Variants in GPATCH2 observed in about 807,000 individuals in gnomAD.
GPATCH2 encodes the protein G patch domain-containing protein 2.
A neutral mutation model predicts 58.0 loss-of-function variants in GPATCH2; 51 were observed. The ratio of observed to expected loss-of-function variants is 0.88; its 90% CI spans 0.70 to 1.11. The LOEUF (loss-of-function observed/expected upper bound fraction) is 1.11, where lower values mean the gene tolerates loss of function less well. Among genes scored for constraint, GPATCH2 ranks in the 50% most tolerant of loss-of-function variants. The pLI, the probability that GPATCH2 is intolerant of heterozygous loss-of-function variation, is 0.00. For synonymous variants in GPATCH2, 222 were observed against 218.5 expected (o/e 1.02, Z -0.14); for missense variants, 625 against 652.2 (o/e 0.96, Z 0.45).
intron 9 of GPATCH2, among the ~76,000 whole-genome samples, chr1:217,443,208 C>T (rs536191637): frequency 1.3e-5 from 2 of 152,240 alleles, no homozygotes; most frequent in South Asian, 2.1e-4. Context: ...TTAATGGATT[C>T]TGTTTTCTTC....
intron 4 of GPATCH2, among the ~76,000 whole-genome samples, 200 bp from the exon 5 acceptor site, chr1:217,610,600 A>G (rs187184749): frequency 7.7e-4 from 117 of 152,338 alleles, no homozygotes; most frequent in African/African-American, 2.7e-3. Flanking sequence ...TCAGCACTTA[A>G]CTAACCAGTG....
At position 217,429,876 on chromosome 1, in the gene GPATCH2, A is replaced by C. The variant is rs1248060300; in HGVS notation, c.*1269T>G. On this transcript the variant is annotated 3_prime_UTR_variant, in exon 10 of 10. Coordinates refer to ENST00000366935, the MANE Select transcript of GPATCH2 (RefSeq NM_018040.5). ...CAAAAAAACTCTTTTGGAAAGTGACAAGATTTTAAAAACCCATTAGAAAGG... is the reference window on the plus strand; with the variant it reads ...CAAAAAAACTCTTTTGGAAAGTGACCAGATTTTAAAAACCCATTAGAAAGG... 6.6e-6 allele frequency: 1 copy of C among 151,726 alleles called. No individual in the cohort carries two copies. Among genetic ancestry groups the C allele is most frequent in the African/African-American group, 2.4e-5 (1 of 41,344 alleles). 9.4% of individuals were successfully genotyped at this position (151,726 alleles called of 1,614,324 possible).
intron 5 of GPATCH2, among the ~76,000 whole-genome samples, chr1:217,528,245 C>T (rs1242757): frequency 0.77 from 117,031 of 152,130 alleles, 45,638 homozygotes; most frequent in East Asian, 0.92. Flanking sequence ...AAAATTAAGC[C>T]AGATTTTCAT....
chr1:217,600,730 A>T lies in GPATCH2; in HGVS notation c.1098+9591T>A, dbSNP rs190624517. Among the ~76,000 whole-genome samples, 200 of 149,244 alleles carry T rather than the reference A, an allele frequency of 1.3e-3. 6 individuals are homozygous for T. The highest frequency in any genetic ancestry group is 0.012 in the Admixed American group (182 of 15,138). On this transcript the variant is annotated intron_variant, in intron 5 of 9. Coordinates refer to ENST00000366935, the MANE Select transcript of GPATCH2 (RefSeq NM_018040.5). ...TCATCACCATTTTAAAAGACAACTA[A>T]AAAAAGGTGTTGCATCTTCATCTGT...
rs200174758 is a variant in GPATCH2 at position 217,526,123 on chromosome 1, G to GA, written c.1099-11235dup. On this transcript the variant is annotated intron_variant, in intron 5 of 9. Transcript: ENST00000366935. ...CATAAAACCTTAATTTACATCAGGG[G>GA]AAAAAATTACAGCTGGTTTTTATAA... is the stretch of plus-strand genomic sequence containing the variant. Among the ~76,000 whole-genome samples, 1,018 of 152,172 alleles carry GA rather than the reference G, an allele frequency of 6.7e-3. 7 individuals carry two copies. The highest frequency in any genetic ancestry group is 0.023 in the African/African-American group (951 of 41,540).
At chr1:217,626,115 T>TG (rs540639720) in intron 1 of GPATCH2, among the ~76,000 whole-genome samples, 112 of 152,304 alleles carry the variant, frequency 7.4e-4, no homozygotes, top group Admixed American at 3.2e-3. Context: ...CTCTAAAACA[T>TG]GGATTATCAG....
intron 5 of GPATCH2, among the ~76,000 whole-genome samples, chr1:217,545,458 G>A (rs1322743836): frequency 6.6e-6 from 1 of 152,168 alleles, no homozygotes; most frequent in African/African-American, 2.4e-5. Flanking sequence ...GGGCATAAAG[G>A]TGCATACTTA....
intron 5 of GPATCH2, among the ~76,000 whole-genome samples, chr1:217,522,671 G>A (rs915800840): frequency 3.9e-5 from 6 of 151,944 alleles, no homozygotes; most frequent in African/African-American, 1.2e-4. Context: ...CCATCATTTC[G>A]TCCCACTGCT....
At chr1:217,495,039 T>A (rs145031246) in intron 7 of GPATCH2, 33 of 579,594 alleles carry the variant, frequency 5.7e-5, no homozygotes, top group African/African-American at 5.6e-4. Flanking sequence ...ATTGCTGGAC[T>A]TAGGCCAAAC....
At chr1:217,573,851 G>A (rs952376731) in intron 5 of GPATCH2, among the ~76,000 whole-genome samples, 34 of 152,108 alleles carry the variant, frequency 2.2e-4, no homozygotes, top group Non-Finnish European at 1.3e-4. Flanking sequence ...TATCCTGGCC[G>A]TTAATTATAC....
At chr1:217,611,896 C>T (rs1234681047) in intron 3 of GPATCH2, among the ~76,000 whole-genome samples, 4 of 152,062 alleles carry the variant, frequency 2.6e-5, no homozygotes, top group Non-Finnish European at 5.9e-5. Flanking sequence ...GAAAGAGACA[C>T]AGGCCAGTCA....
At chr1:217,551,954 T>C (rs1324235332) in intron 5 of GPATCH2, among the ~76,000 whole-genome samples, 2 of 152,140 alleles carry the variant, frequency 1.3e-5, no homozygotes, top group Non-Finnish European at 2.9e-5. Flanking sequence ...AAAATATTCT[T>C]TAACATTACA....
At chr1:217,485,193 T>G (rs147118562) in intron 8 of GPATCH2, among the ~76,000 whole-genome samples, 20 of 152,160 alleles carry the variant, frequency 1.3e-4, no homozygotes, top group Non-Finnish European at 1.9e-4. Flanking sequence ...AATATGGATC[T>G]CTCAGATCAA....
intron 1 of GPATCH2, among the ~76,000 whole-genome samples, chr1:217,625,809 T>TC (rs1344390719): frequency 6.6e-6 from 1 of 151,852 alleles, no homozygotes; most frequent in Non-Finnish European, 1.5e-5. Context: ...ATGGCGAAAC[T>TC]CCATCTCTAC....
In GPATCH2 at chr1:217,595,774, A is replaced by G. The variant is rs556221627; in HGVS notation, c.1098+14547T>C. Among the ~76,000 whole-genome samples the G allele has an allele frequency of 2.0e-5, 3 of 152,296 alleles. No homozygotes were observed. The South Asian group carries it at 6.2e-4, about 32-fold the overall frequency. ...CTCAGCCTCCCAAAGTGCTGGGATT[A>G]CAAGCATGAGCCACCGCACCCGGCC... On this transcript the variant is annotated intron_variant, in intron 5 of 9. Coordinates refer to ENST00000366935, the MANE Select transcript of GPATCH2 (RefSeq NM_018040.5).
intron 5 of GPATCH2, among the ~76,000 whole-genome samples, chr1:217,531,431 A>G (rs1343770564): frequency 6.6e-6 from 1 of 152,198 alleles, no homozygotes; most frequent in African/African-American, 2.4e-5. Context: ...CAAGTAATTC[A>G]CAAACAGGTT....
intron 5 of GPATCH2, among the ~76,000 whole-genome samples, chr1:217,595,684 G>C (rs577326297): frequency 5.3e-5 from 8 of 151,964 alleles, no homozygotes; most frequent in Non-Finnish European, 1.0e-4. Context: ...ATTTTTAGTA[G>C]AGAAAGGGTT....
chr1:217,518,437 T>C (rs1293453944), intron 5 of GPATCH2, among the ~76,000 whole-genome samples: 1 of 152,208 alleles, frequency 6.6e-6, no homozygotes, highest in African/African-American at 2.4e-5. Flanking sequence ...TTTTTGTCCC[T>C]GATGTATTGA....
chr1:217,623,387 T>C (rs1322649510), intron 1 of GPATCH2, among the ~76,000 whole-genome samples: 1 of 152,178 alleles, frequency 6.6e-6, no homozygotes, highest in Non-Finnish European at 1.5e-5. Context: ...CAATCCATTG[T>C]AATCTGATAC....
Sources: gnomAD v4.1 joint callset for allele counts (sites outside exome capture counted in the v4.1 genomes callset) on GRCh38, gnomAD v4.1.1 for gene constraint, MANE v1.5 for transcripts, NCBI Gene and HGNC (gene_info 2026-07-23, HGNC 2026-07-21) for gene names.